The following ZBTB8A variants were observed in gnomAD, a reference collection of about 807,000 sequenced individuals.
ZBTB8A encodes the protein zinc finger and BTB domain containing 8A.
A neutral mutation model predicts 37.8 loss-of-function variants in ZBTB8A; 19 were observed. The ratio of observed to expected loss-of-function variants is 0.50; its 90% CI spans 0.35 to 0.74. ZBTB8A has a LOEUF of 0.74. Ranked by LOEUF, ZBTB8A falls within the 30% of genes least tolerant of loss-of-function variation. The pLI, the probability that ZBTB8A is intolerant of heterozygous loss-of-function variation, is 0.01. For synonymous variants in ZBTB8A, 181 were observed against 185.2 expected (o/e 0.98, Z 0.19); for missense variants, 394 against 537.8 (o/e 0.73, Z 2.65).
At chr1:32,599,606 A>G (rs1338257133) in intron 4 of ZBTB8A, among the ~76,000 whole-genome samples, 1 of 152,028 alleles carries the variant, frequency 6.6e-6, no homozygotes, top group East Asian at 1.9e-4. Context: ...AATACCAGCT[A>G]CTCAGGAGGC....
chr1:32,582,827 A>C (rs189455285), intron 2 of ZBTB8A, among the ~76,000 whole-genome samples: 5 of 152,306 alleles, frequency 3.3e-5, no homozygotes, highest in Admixed American at 3.3e-4. Flanking sequence ...AGGACTCAGC[A>C]AAAGCTGGGT....
chr1:32,566,455 G>T (rs1368744801), intron 2 of ZBTB8A, among the ~76,000 whole-genome samples: 3 of 151,828 alleles, frequency 2.0e-5, no homozygotes, highest in African/African-American at 7.3e-5. Context: ...AGCCTGGGAA[G>T]TCAAGACTGC....
chr1:32,565,138 C>G (rs1161525637), intron 2 of ZBTB8A, among the ~76,000 whole-genome samples: 1 of 151,980 alleles, frequency 6.6e-6, no homozygotes, highest in African/African-American at 2.4e-5. Flanking sequence ...GAGACTGCCT[C>G]GGTAAGGTGG....
chr1:32,543,105 C>T (rs1029249200), intron 1 of ZBTB8A, among the ~76,000 whole-genome samples: 7 of 151,668 alleles, frequency 4.6e-5, no homozygotes, highest in East Asian at 3.9e-4. Context: ...TTTTTTGAGA[C>T]GGAGTTTCAC....
intron 2 of ZBTB8A, among the ~76,000 whole-genome samples, chr1:32,580,356 G>A (rs1188971192): frequency 1.3e-5 from 2 of 152,020 alleles, no homozygotes; most frequent in Admixed American, 6.6e-5. Flanking sequence ...TCAGGAGTTC[G>A]AGACAAGCCT....
At chr1:32,541,127 T>C (rs1438045443) in intron 1 of ZBTB8A, among the ~76,000 whole-genome samples, 3 of 152,256 alleles carry the variant, frequency 2.0e-5, no homozygotes, top group Non-Finnish European at 4.4e-5. Context: ...GATATGTTAA[T>C]CATATTTAAA....
chr1:32,596,283 TGGTG>T (rs1644530869), intron 4 of ZBTB8A, among the ~76,000 whole-genome samples: 1 of 150,750 alleles, frequency 6.6e-6, no homozygotes. Flanking sequence ...GGCAGGAGAA[TGGTG>T]TGAACCTGGG....
At chr1:32,548,348 GT>G (rs1428095482) in intron 1 of ZBTB8A, among the ~76,000 whole-genome samples, 1 of 149,498 alleles carries the variant, frequency 6.7e-6, no homozygotes, top group Non-Finnish European at 1.5e-5. Flanking sequence ...TTTTGTTTTT[GT>G]TTTGAGACAG....
At chr1:32,563,682 A>G (rs1257846269) in intron 2 of ZBTB8A, among the ~76,000 whole-genome samples, 1 of 152,148 alleles carries the variant, frequency 6.6e-6, no homozygotes, top group Non-Finnish European at 1.5e-5. Flanking sequence ...CATCTTGGCC[A>G]GGCTGGTCTC....
At chr1:32,551,486 G>T (rs992448592) in intron 1 of ZBTB8A, among the ~76,000 whole-genome samples, 1 of 152,054 alleles carries the variant, frequency 6.6e-6, no homozygotes, top group Non-Finnish European at 1.5e-5. Context: ...AGGCTGAGGC[G>T]GGTGGTTCAC....
rs545362701 is a variant in ZBTB8A at position 32,604,732 on chromosome 1, A to C, written c.*4313A>C. On this transcript the variant is annotated 3_prime_UTR_variant, in exon 5 of 5. Coordinates refer to ENST00000373510, the MANE Select transcript of ZBTB8A (RefSeq NM_001040441.3). ...TATTTATGAGCTCAGAACTCAATTCATTAAAGTTATTTTGCCAAGTCATGC... is the reference window on the plus strand; with the variant it reads ...TATTTATGAGCTCAGAACTCAATTCCTTAAAGTTATTTTGCCAAGTCATGC... 3 of 152,332 alleles carry C rather than the reference A, an allele frequency of 2.0e-5. No individual in the cohort carries two copies. The highest frequency in any genetic ancestry group is 7.2e-5 in the African/African-American group (3 of 41,574). The allele number at this position is 152,332 out of a possible 1,614,324, so 9.4% of individuals were successfully genotyped here.
At chr1:32,583,380 C>CAAAAAAAA (rs372221611) in intron 2 of ZBTB8A, among the ~76,000 whole-genome samples, 1 of 68,132 alleles carries the variant, frequency 1.5e-5, no homozygotes. Context: ...GACCCTGTCT[C>CAAAAAAAA]AAAAAAAAAA....
At chr1:32,544,361 C>T (rs894775115) in intron 1 of ZBTB8A, among the ~76,000 whole-genome samples, 6 of 152,228 alleles carry the variant, frequency 3.9e-5, no homozygotes, top group African/African-American at 1.4e-4. Flanking sequence ...ATACTATAGG[C>T]ATTTGTAAAA....
chr1:32,549,571 T>TTAAG (rs1222595303), intron 1 of ZBTB8A, among the ~76,000 whole-genome samples: 3 of 151,864 alleles, frequency 2.0e-5, no homozygotes, highest in Non-Finnish European at 4.4e-5. Flanking sequence ...CTAGTGTAAT[T>TTAAG]TAAGGGTCGA....
intron 3 of ZBTB8A, among the ~76,000 whole-genome samples, chr1:32,594,119 G>A (rs1211170649): frequency 2.6e-5 from 4 of 151,744 alleles, no homozygotes; most frequent in Non-Finnish European, 4.4e-5. Context: ...ACTTGAACCC[G>A]GGAGGCGGAG....
intron 2 of ZBTB8A, among the ~76,000 whole-genome samples, chr1:32,592,378 C>CA (rs143813761): frequency 0.011 from 1,571 of 146,188 alleles, 15 homozygotes; most frequent in Non-Finnish European, 0.017. Flanking sequence ...CTATTAAAAA[C>CA]AAAAAAACAA....
Position 32,602,344 on chromosome 1 carries a change from A to C in ZBTB8A, c.*1925A>C, listed in dbSNP as rs531044218. On this transcript the variant is annotated 3_prime_UTR_variant, in exon 5 of 5. Coordinates refer to ENST00000373510, the MANE Select transcript of ZBTB8A (RefSeq NM_001040441.3). ...ACTCCGTCTCAAAAAAAAAAAAAAA[A>C]AAAACTTCTCCCCTGCATAAATTAT... 7.2e-5 allele frequency: 11 copies of C among 152,336 alleles called. No individual in the cohort carries two copies. In the South Asian group the frequency reaches 1.5e-3, roughly 20 times the overall value. The allele number at this position is 152,336 out of a possible 1,614,324, so 9.4% of individuals were successfully genotyped here.
At chr1:32,582,805 C>G (rs1321328871) in intron 2 of ZBTB8A, among the ~76,000 whole-genome samples, 1 of 152,080 alleles carries the variant, frequency 6.6e-6, no homozygotes, top group East Asian at 1.9e-4. Flanking sequence ...ACTCCAGAAA[C>G]AAGGTCATAT....
chr1:32,567,291 C>T (rs1481451094), intron 2 of ZBTB8A, among the ~76,000 whole-genome samples: 13 of 152,042 alleles, frequency 8.6e-5, no homozygotes, highest in African/African-American at 2.2e-4. Flanking sequence ...GAGGGAAATC[C>T]GCCCGCATGA....
Sources: allele counts gnomAD v4.1 joint callset (sites outside exome capture counted in the v4.1 genomes callset), GRCh38; gene constraint gnomAD v4.1.1; transcripts MANE v1.5; gene names NCBI Gene and HGNC (gene_info 2026-07-23, HGNC 2026-07-21).